CA8: variants seen among roughly 807,000 people sequenced by gnomAD.
The protein encoded by CA8 is carbonic anhydrase-related protein.
A neutral mutation model predicts 41.4 loss-of-function variants in CA8; 22 were observed. The ratio of observed to expected loss-of-function variants is 0.53; its 90% CI spans 0.38 to 0.76. The LOEUF is 0.76. Ranked by LOEUF, CA8 falls within the 30% of genes least tolerant of loss-of-function variation. The pLI, the probability that CA8 is intolerant of heterozygous loss-of-function variation, is 0.00. For missense variants in CA8, 270 were observed against 352.8 expected, an observed-to-expected ratio of 0.77 and a Z score of 1.88; for synonymous variants, 121 against 130.6, an observed-to-expected ratio of 0.93 and a Z score of 0.50.
At chr8:60,279,377 C>T (rs6471860) in intron 2 of CA8, among the ~76,000 whole-genome samples, 91,359 of 151,818 alleles carry the variant, frequency 0.6, 28,534 homozygotes, top group African/African-American at 0.79. Context: ...TTGGACAAAA[C>T]GCAGATTACT....
At chr8:60,278,688 G>A (rs11996007) in intron 2 of CA8, among the ~76,000 whole-genome samples, 23,559 of 152,112 alleles carry the variant, frequency 0.15, 2,030 homozygotes, top group South Asian at 0.21. Context: ...AACAGCGAAG[G>A]AGACTACATG....
At chr8:60,225,738 C>G (rs1441800061) in intron 5 of CA8, among the ~76,000 whole-genome samples, 1 of 152,182 alleles carries the variant, frequency 6.6e-6, no homozygotes, top group Non-Finnish European at 1.5e-5. Flanking sequence ...TGCTCTGTAT[C>G]TCCAGCAGCC....
rs540103113 is a variant in CA8, at chr8:60,281,218, C to T, written c.-71G>A. Reference sequence around the variant, plus strand: ...GCCTTCGCTGGGCGCGGGGCTGGAGCCGGAGCGGAGCGCGCGTGGGGGAGT... The same window carrying T: ...GCCTTCGCTGGGCGCGGGGCTGGAGTCGGAGCGGAGCGCGCGTGGGGGAGT... On this transcript the variant is annotated 5_prime_UTR_variant, in exon 1 of 9. Coordinates refer to ENST00000317995, the MANE Select transcript of CA8 (RefSeq NM_004056.6). 1,139 of 1,141,570 alleles carry T rather than the reference C, an allele frequency of 1.0e-3. 10 individuals are homozygous for T. In the African/African-American group the frequency reaches 0.015, roughly 15 times the overall value. 70.7% of individuals were successfully genotyped at this position (1,141,570 alleles called of 1,614,324 possible).
intron 3 of CA8, among the ~76,000 whole-genome samples, chr8:60,242,634 G>A (rs1325353967): frequency 6.8e-6 from 1 of 147,278 alleles, no homozygotes; most frequent in Non-Finnish European, 1.5e-5. Context: ...CCTGGTGTTA[G>A]TGAGCACTCT....
rs929214031 is a variant in CA8 at position 60,189,313 on chromosome 8, T to C, written c.*708A>G. The C allele has an allele frequency of 7.2e-5, 11 of 152,168 alleles. No individual in the cohort carries two copies. Among genetic ancestry groups the C allele is most frequent in the Admixed American group, 5.2e-4 (8 of 15,262 alleles). 9.4% of individuals were successfully genotyped at this position (152,168 alleles called of 1,614,324 possible). ...TCCTATTTCTTACACCTTTCTCAAA[T>C]TCCTATTAAACCACAGCTTCGAATA... is the stretch of plus-strand genomic sequence containing the variant. On this transcript the variant is annotated 3_prime_UTR_variant, in exon 9 of 9. Coordinates refer to ENST00000317995, the MANE Select transcript of CA8 (RefSeq NM_004056.6).
chr8:60,234,815 A>G (rs534539831), intron 3 of CA8, among the ~76,000 whole-genome samples: 32 of 152,150 alleles, frequency 2.1e-4, no homozygotes, highest in Non-Finnish European at 4.0e-4. Context: ...GCTTTGAAAA[A>G]CAAAGCTCTG....
intron 1 of CA8, 98 bp downstream of exon 1, chr8:60,280,950 G>C: frequency 1.2e-6 from 1 of 857,876 alleles, no homozygotes; most frequent in Non-Finnish European, 1.9e-6. Context: ...GCGTGGGGGT[G>C]CTCGGAGCGC....
At chr8:60,206,437 T>C (rs962475759) in intron 8 of CA8, among the ~76,000 whole-genome samples, 26 of 152,254 alleles carry the variant, frequency 1.7e-4, no homozygotes, top group Admixed American at 1.6e-3. Flanking sequence ...TAGGACAAGA[T>C]ACAAACCAAA....
rs550283255 is a variant in CA8, at chr8:60,211,420, C to T, written c.739-2501G>A. On this transcript the variant is annotated intron_variant, in intron 7 of 8. Coordinates refer to ENST00000317995, the MANE Select transcript of CA8 (RefSeq NM_004056.6). Reference sequence around the variant, plus strand: ...TCCATGTAATCATACTTAATACCTGCAACCTGAACCTATGAAGCATGCACA... The same window carrying T: ...TCCATGTAATCATACTTAATACCTGTAACCTGAACCTATGAAGCATGCACA... Among the ~76,000 whole-genome samples, 3 of 152,346 alleles carry T rather than the reference C, an allele frequency of 2.0e-5. No homozygotes were observed. The East Asian group carries it at 5.8e-4, about 29-fold the overall frequency.
Position 60,189,301 on chromosome 8 carries a change from A to G in CA8, c.*720T>C, listed in dbSNP as rs1388278512. ...ACCTTCTTTTTATCCTATTTCTTAC[A>G]CCTTTCTCAAATTCCTATTAAACCA... On this transcript the variant is annotated 3_prime_UTR_variant, in exon 9 of 9. Transcript: ENST00000317995. The G allele has an allele frequency of 6.6e-6, 1 of 152,140 alleles. No individual in the cohort carries two copies. The highest frequency in any genetic ancestry group is 2.4e-5 in the African/African-American group (1 of 41,440). The allele number at this position is 152,140 out of a possible 1,614,324, so 9.4% of individuals were successfully genotyped here.
At chr8:60,270,722 G>A (rs923546751) in intron 2 of CA8, among the ~76,000 whole-genome samples, 1 of 152,044 alleles carries the variant, frequency 6.6e-6, no homozygotes, top group Non-Finnish European at 1.5e-5. Context: ...AGCTCCAAAG[G>A]GTTCATTCTT....
intron 3 of CA8, among the ~76,000 whole-genome samples, chr8:60,246,281 T>G (rs1359251494): frequency 1.3e-5 from 2 of 151,724 alleles, no homozygotes; most frequent in Non-Finnish European, 2.9e-5. Context: ...AATGCATTTC[T>G]GGGGGGGGTT....
intron 3 of CA8, among the ~76,000 whole-genome samples, chr8:60,249,318 T>C (rs1195535876): frequency 6.6e-6 from 1 of 152,182 alleles, no homozygotes; most frequent in Non-Finnish European, 1.5e-5. Context: ...AAACCGACAG[T>C]GGCACCACCC....
At chr8:60,210,485 G>C (rs926283938) in intron 7 of CA8, among the ~76,000 whole-genome samples, 1 of 152,120 alleles carries the variant, frequency 6.6e-6, no homozygotes, top group African/African-American at 2.4e-5. Flanking sequence ...TTTTCCTCAG[G>C]AGAGGCTCCC....
At chr8:60,241,579 T>A (rs1024351658) in intron 3 of CA8, among the ~76,000 whole-genome samples, 1 of 152,206 alleles carries the variant, frequency 6.6e-6, no homozygotes, top group Non-Finnish European at 1.5e-5. Flanking sequence ...GCTTCCTTTA[T>A]GAAATTCACT....
rs562038693 is a variant in CA8 at position 60,242,920 on chromosome 8, C to T, written c.418-10541G>A. 3.3e-5 allele frequency among the ~76,000 whole-genome samples: 5 copies of T among 152,280 alleles called. No individual in the cohort carries two copies. The East Asian group carries it at 7.7e-4, about 23-fold the overall frequency. On this transcript the variant is annotated intron_variant, in intron 3 of 8. Transcript: ENST00000317995. ...CAGTAGGGCTATCTTCTCATTATGC[C>T]GCTGAACTCATCTACTTACTTTCTT...
At chr8:60,281,023 G>T (rs1270935960) in intron 1 of CA8, 25 bp downstream of exon 1, 21 of 1,557,448 alleles carry the variant, frequency 1.3e-5, no homozygotes, top group Non-Finnish European at 1.9e-5. Context: ...CGGGACCCCG[G>T]ACACCCCGAC....
Position 60,221,128 on chromosome 8 carries a change from G to A in CA8, c.738+1521C>T, listed in dbSNP as rs139945397. Among the ~76,000 whole-genome samples, 30 of 152,248 alleles carry A rather than the reference G, an allele frequency of 2.0e-4. No individual in the cohort carries two copies. In the East Asian group the frequency reaches 2.3e-3, roughly 12 times the overall value. On this transcript the variant is annotated intron_variant, in intron 7 of 8. Coordinates refer to ENST00000317995, the MANE Select transcript of CA8 (RefSeq NM_004056.6). ...CTGTTAAGTCCCAAATCTAGATATC[G>A]TGAATCCAAAACTCTAGGCTTAACA...
chr8:60,219,635 C>G (rs1240986323), intron 7 of CA8, among the ~76,000 whole-genome samples: 1 of 152,098 alleles, frequency 6.6e-6, no homozygotes, highest in East Asian at 1.9e-4. Flanking sequence ...GGCTTCCTGA[C>G]AAGGCCTCAT....
Sources: gnomAD v4.1 joint callset for allele counts (sites outside exome capture counted in the v4.1 genomes callset) on GRCh38, gnomAD v4.1.1 for gene constraint, MANE v1.5 for transcripts, NCBI Gene and HGNC (gene_info 2026-07-23, HGNC 2026-07-21) for gene names.